Variants in MAGI1 observed in about 807,000 individuals in gnomAD.
MAGI1 encodes membrane associated guanylate kinase, WW and PDZ domain containing 1, also known as membrane-associated guanylate kinase, WW and PDZ domain-containing protein 1.
A neutral mutation model predicts 139.9 loss-of-function variants in MAGI1; 58 were observed. That is an observed-to-expected ratio of 0.41 (90% CI 0.34 to 0.52). MAGI1 has a LOEUF of 0.52. Among genes scored for constraint, MAGI1 ranks in the 20% least tolerant of loss-of-function variants. The pLI is 0.12. For missense variants in MAGI1, 1,874 were observed against 1,901.6 expected, an observed-to-expected ratio of 0.99 and a Z score of 0.27; for synonymous variants, 812 against 737.9, an observed-to-expected ratio of 1.10 and a Z score of -1.63.
At chr3:65,940,276 G>A (rs2063244970) in intron 1 of MAGI1, among the ~76,000 whole-genome samples, 1 of 152,188 alleles carries the variant, frequency 6.6e-6, no homozygotes, top group Non-Finnish European at 1.5e-5. Context: ...GAAATTAGGG[G>A]ATGTTTTAGT....
At chr3:65,593,127 G>T (rs2082040051) in intron 2 of MAGI1, among the ~76,000 whole-genome samples, 1 of 151,900 alleles carries the variant, frequency 6.6e-6, no homozygotes, top group South Asian at 2.1e-4. Context: ...CCATAAACTG[G>T]AGTGTTAAGC....
chr3:65,805,632 T>A (rs2040804829), intron 1 of MAGI1, among the ~76,000 whole-genome samples: 1 of 152,174 alleles, frequency 6.6e-6, no homozygotes, highest in South Asian at 2.1e-4. Context: ...CAAAGGTACA[T>A]GCACGTGTAT....
At chr3:65,427,179 G>A (rs1947107062) in intron 12 of MAGI1, among the ~76,000 whole-genome samples, 1 of 152,086 alleles carries the variant, frequency 6.6e-6, no homozygotes, top group Non-Finnish European at 1.5e-5. Context: ...GGGAGTGGTG[G>A]CATGCACCTA....
At chr3:65,952,205 C>T (rs1358054558) in intron 1 of MAGI1, among the ~76,000 whole-genome samples, 1 of 152,142 alleles carries the variant, frequency 6.6e-6, no homozygotes, top group East Asian at 1.9e-4. Flanking sequence ...GTTAAGAATG[C>T]TGTTTTAATG....
At chr3:65,563,299 C>T (rs967178839) in intron 2 of MAGI1, among the ~76,000 whole-genome samples, 2 of 152,262 alleles carry the variant, frequency 1.3e-5, no homozygotes, top group Middle Eastern at 3.4e-3. Context: ...CAGCTTGCAA[C>T]TCACAGTGGG....
intron 1 of MAGI1, among the ~76,000 whole-genome samples, chr3:65,636,821 G>A (rs1366168227): frequency 1.3e-5 from 2 of 152,112 alleles, no homozygotes; most frequent in African/African-American, 4.8e-5. Context: ...AACTGGATCA[G>A]GTAAAAATCC....
intron 12 of MAGI1, among the ~76,000 whole-genome samples, chr3:65,412,476 ATTG>A (rs1418381033): frequency 6.6e-6 from 1 of 152,282 alleles, no homozygotes; most frequent in East Asian, 1.9e-4. Flanking sequence ...TATTATTTAT[ATTG>A]TTTATTGTTT....
intron 1 of MAGI1, among the ~76,000 whole-genome samples, chr3:65,755,624 A>G (rs992404042): frequency 6.6e-6 from 1 of 152,166 alleles, no homozygotes; most frequent in Non-Finnish European, 1.5e-5. Context: ...GAAAATGTAA[A>G]TGAGACCCAA....
At chr3:65,780,937 G>A (rs553294560) in intron 1 of MAGI1, among the ~76,000 whole-genome samples, 296 of 152,296 alleles carry the variant, frequency 1.9e-3, no homozygotes, top group African/African-American at 6.3e-3. Flanking sequence ...AAGTTTGGAT[G>A]GGCTGGGCAT....
At chr3:65,598,926 A>G (rs762400456) in intron 2 of MAGI1, among the ~76,000 whole-genome samples, 7 of 152,228 alleles carry the variant, frequency 4.6e-5, no homozygotes, top group Admixed American at 3.9e-4. Flanking sequence ...TCAAATGGTC[A>G]GTCATTGCTG....
intron 1 of MAGI1, among the ~76,000 whole-genome samples, chr3:65,838,163 T>A (rs114423827): frequency 0.015 from 2,354 of 152,118 alleles, 61 homozygotes; most frequent in African/African-American, 0.053. Context: ...TACAAAAAAA[T>A]TAGCTGGGTG....
chr3:65,844,744 G>C (rs1413794830), intron 1 of MAGI1, among the ~76,000 whole-genome samples: 1 of 152,152 alleles, frequency 6.6e-6, no homozygotes, highest in Non-Finnish European at 1.5e-5. Context: ...GCTTATTTTA[G>C]AGCATTTTCC....
At chr3:66,032,362 C>G (rs1014468642) in intron 1 of MAGI1, among the ~76,000 whole-genome samples, 5 of 150,694 alleles carry the variant, frequency 3.3e-5, no homozygotes, top group Non-Finnish European at 7.4e-5. Context: ...AGGCGCCCAC[C>G]ACCACGCCCG....
At chr3:65,495,020 T>C (rs1277903554) in intron 2 of MAGI1, among the ~76,000 whole-genome samples, 1 of 152,260 alleles carries the variant, frequency 6.6e-6, no homozygotes, top group Non-Finnish European at 1.5e-5. Context: ...CACTGTTTCC[T>C]AATTTGTTCC....
In MAGI1 at chr3:65,605,904, G is replaced by A. The variant is rs964911571; in HGVS notation, c.430+16068C>T. ...TACCCACAACCCAGAGAGGAGATCC[G>A]GCGAGTCCTACTTTGTGCAGGGTAG... On this transcript the variant is annotated intron_variant, in intron 2 of 22. Coordinates refer to ENST00000402939, the MANE Select transcript of MAGI1 (RefSeq NM_001033057.2). 5.3e-4 allele frequency among the ~76,000 whole-genome samples: 80 copies of A among 152,104 alleles called. 1 individual carries two copies. Among genetic ancestry groups the A allele is most frequent in the Non-Finnish European group, 3.8e-4 (26 of 68,010 alleles).
intron 2 of MAGI1, among the ~76,000 whole-genome samples, chr3:65,566,805 C>T (rs972074885): frequency 1.3e-5 from 2 of 150,960 alleles, no homozygotes; most frequent in African/African-American, 4.9e-5. Flanking sequence ...CCAGGACACT[C>T]ATAATTTTTG....
chr3:66,012,413 T>A (rs2067370436), intron 1 of MAGI1, among the ~76,000 whole-genome samples: 1 of 151,856 alleles, frequency 6.6e-6, no homozygotes, highest in Admixed American at 6.6e-5. Flanking sequence ...AAGTTCCATA[T>A]CACCAGTCTT....
intron 2 of MAGI1, among the ~76,000 whole-genome samples, chr3:65,536,676 C>G (rs1317805922): frequency 1.3e-5 from 2 of 152,134 alleles, no homozygotes; most frequent in East Asian, 3.8e-4. Context: ...TCAAAGTGTT[C>G]AGGGCTGGCC....
At chr3:65,716,526 C>T (rs1173535951) in intron 1 of MAGI1, among the ~76,000 whole-genome samples, 1 of 152,194 alleles carries the variant, frequency 6.6e-6, no homozygotes, top group African/African-American at 2.4e-5. Context: ...GTGGTAGGAA[C>T]AGTGGGGAAC....
Sources: allele counts gnomAD v4.1 joint callset (sites outside exome capture counted in the v4.1 genomes callset), GRCh38; gene constraint gnomAD v4.1.1; transcripts MANE v1.5; gene names NCBI Gene and HGNC (gene_info 2026-07-23, HGNC 2026-07-21).